CHN1: variants seen among roughly 807,000 people sequenced by gnomAD.
The protein encoded by CHN1 is N-chimaerin.
Under a neutral mutation model 59.5 loss-of-function variants are expected in CHN1, and 37 were observed. The observed-to-expected ratio is 0.62, with a 90% CI of 0.48 to 0.82. The LOEUF is 0.82. Among genes scored for constraint, CHN1 ranks in the 40% least tolerant of loss-of-function variants. The pLI, the probability that CHN1 is intolerant of heterozygous loss-of-function variation, is 0.00. For synonymous variants in CHN1, 206 were observed against 200.4 expected, an observed-to-expected ratio of 1.03 and a Z score of -0.24; for missense variants, 469 against 571.0, an observed-to-expected ratio of 0.82 and a Z score of 1.82.
chr2:174,812,943 A>ATATC (rs1048104730), intron 8 of CHN1, among the ~76,000 whole-genome samples: 11 of 152,334 alleles, frequency 7.2e-5, no homozygotes, highest in African/African-American at 2.6e-4. Context: ...GCTCATGTTT[A>ATATC]TATCTATCTG....
intron 11 of CHN1, 101 bp downstream of exon 11, chr2:174,808,804 G>C: frequency 7.8e-7 from 1 of 1,284,004 alleles, no homozygotes; most frequent in Non-Finnish European, 1.1e-6. Flanking sequence ...AGGCAAAGGG[G>C]AAACATTTCA....
chr2:174,803,146 A>G (rs1684781334), intron 11 of CHN1, among the ~76,000 whole-genome samples: 1 of 152,208 alleles, frequency 6.6e-6, no homozygotes, highest in South Asian at 2.1e-4. Flanking sequence ...ACTACATCTG[A>G]CCAGAATGCA....
chr2:174,831,472 T>A (rs1476537742), intron 7 of CHN1, among the ~76,000 whole-genome samples: 1 of 152,084 alleles, frequency 6.6e-6, no homozygotes, highest in Non-Finnish European at 1.5e-5. Context: ...CACAGAACCA[T>A]CAATCTGAAA....
chr2:174,867,293 C>T (rs1054352359), intron 6 of CHN1, among the ~76,000 whole-genome samples: 3 of 151,820 alleles, frequency 2.0e-5, no homozygotes, highest in African/African-American at 7.3e-5. Flanking sequence ...ATGAGAATCA[C>T]CTGAACTCGG....
chr2:174,801,927 C>T (rs952661403), intron 11 of CHN1, 115 bp from the exon 12 acceptor site: 6 of 822,812 alleles, frequency 7.3e-6, no homozygotes, highest in South Asian at 2.8e-5. Flanking sequence ...AATGCTTTCT[C>T]GTAATTCCTT....
chr2:174,909,135 G>C (rs1392567285), intron 5 of CHN1, among the ~76,000 whole-genome samples: 1 of 152,164 alleles, frequency 6.6e-6, no homozygotes, highest in Non-Finnish European at 1.5e-5. Context: ...ACTTTAGTAA[G>C]AGATTGACCA....
chr2:174,987,857 T>C (rs1691400597), intron 1 of CHN1, among the ~76,000 whole-genome samples: 1 of 152,186 alleles, frequency 6.6e-6, no homozygotes. Flanking sequence ...CAATTTTATA[T>C]AGATGTGTTG....
At chr2:174,811,625 C>T (rs1269526377) in intron 9 of CHN1, 37 bp from the exon 10 acceptor site, 2 of 1,357,088 alleles carry the variant, frequency 1.5e-6, no homozygotes, top group Admixed American at 1.9e-5. Flanking sequence ...TTGAATTATG[C>T]CTTTTCTTCA....
intron 3 of CHN1, among the ~76,000 whole-genome samples, chr2:174,922,025 C>T (rs1214069472): frequency 1.3e-5 from 2 of 152,070 alleles, no homozygotes; most frequent in East Asian, 1.9e-4. Context: ...AGGTAAGTTC[C>T]ACCTGATTTG....
At chr2:174,817,869 C>T (rs1317340813) in intron 8 of CHN1, among the ~76,000 whole-genome samples, 3 of 152,160 alleles carry the variant, frequency 2.0e-5, no homozygotes, top group Non-Finnish European at 4.4e-5. Context: ...GATCTCCTGA[C>T]CTCGTGATCC....
chr2:174,823,021 T>C (rs1484518467), intron 8 of CHN1, among the ~76,000 whole-genome samples: 2 of 152,222 alleles, frequency 1.3e-5, no homozygotes, highest in Non-Finnish European at 2.9e-5. Flanking sequence ...GAAGAGCGAC[T>C]TGGAACATTT....
chr2:174,996,761 T>C (rs1691725090), intron 1 of CHN1, among the ~76,000 whole-genome samples: 1 of 152,092 alleles, frequency 6.6e-6, no homozygotes, highest in Non-Finnish European at 1.5e-5. Flanking sequence ...CTCCTCTCTC[T>C]CCTCAACTCC....
intron 6 of CHN1, among the ~76,000 whole-genome samples, chr2:174,863,615 C>A (rs1687129426): frequency 6.6e-6 from 1 of 151,698 alleles, no homozygotes; most frequent in Non-Finnish European, 1.5e-5. Flanking sequence ...ACAGATATAA[C>A]CCACATAAAC....
intron 1 of CHN1, among the ~76,000 whole-genome samples, chr2:174,977,431 T>C (rs1690983760): frequency 6.6e-6 from 1 of 152,140 alleles, no homozygotes; most frequent in African/African-American, 2.4e-5. Flanking sequence ...GGGCTGAAAA[T>C]AAACAATTAA....
At chr2:174,847,777 A>G in intron 6 of CHN1, 2 of 192,984 alleles carry the variant, frequency 1.0e-5, no homozygotes, top group Admixed American at 7.5e-5. Context: ...TCAAGGCAAA[A>G]AAAAAAAAAA....
Position 174,798,950 on chromosome 2 carries a change from A to G in CHN1, c.*1166T>C, listed in dbSNP as rs1046657237. On this transcript the variant is annotated 3_prime_UTR_variant, in exon 13 of 13. Transcript: ENST00000409900. ...CACACAGGTGGCCAGTGGTAGTACC[A>G]GGCCCAGAATCTGGGCTCCTGGCCC... is the stretch of plus-strand genomic sequence containing the variant. Among the ~76,000 whole-genome samples the G allele has an allele frequency of 5.3e-5, 8 of 152,366 alleles. No individual in the cohort carries two copies. The highest frequency in any genetic ancestry group is 1.9e-4 in the African/African-American group (8 of 41,584).
intron 5 of CHN1, among the ~76,000 whole-genome samples, chr2:174,905,888 T>G (rs1688529791): frequency 1.3e-5 from 2 of 152,174 alleles, no homozygotes; most frequent in Admixed American, 1.3e-4. Flanking sequence ...GAAATACCAT[T>G]CAAGAGTAAG....
intron 8 of CHN1, among the ~76,000 whole-genome samples, chr2:174,814,334 T>C: frequency 6.6e-6 from 1 of 152,250 alleles, no homozygotes; most frequent in Non-Finnish European, 1.5e-5. Context: ...TTCTGTATCA[T>C]TAATGTCCAA....
At chr2:174,864,256 AGGT>A (rs1687149099) in intron 6 of CHN1, among the ~76,000 whole-genome samples, 1 of 152,098 alleles carries the variant, frequency 6.6e-6, no homozygotes. Flanking sequence ...TTTATTTGGG[AGGT>A]GACTGTCAAC....
Sources: gnomAD v4.1 joint callset for allele counts (sites outside exome capture counted in the v4.1 genomes callset) on GRCh38, gnomAD v4.1.1 for gene constraint, MANE v1.5 for transcripts, NCBI Gene and HGNC (gene_info 2026-07-23, HGNC 2026-07-21) for gene names.